Variants in PINX1 observed in about 807,000 individuals in gnomAD.
PINX1 encodes the protein PIN2/TERF1-interacting telomerase inhibitor 1.
PINX1 carries 34 observed loss-of-function variants against 25.4 expected under a neutral mutation model. That is an observed-to-expected ratio of 1.34 (90% CI 1.02 to 1.78). PINX1 has a LOEUF of 1.78. PINX1 is among the 40% of genes most tolerant of loss of function. PINX1 has a pLI of 0.00. For synonymous variants in PINX1, 197 were observed against 147.7 expected (o/e 1.33, Z -2.42); for missense variants, 592 against 404.9 (o/e 1.46, Z -3.97).
In PINX1 at chr8:10,765,662, C is replaced by T. The variant is rs751232154; in HGVS notation, c.726G>A (p.Arg242=). ...TGGCCACTCGCTCCTGGGCCTCGGC[C>T]CTCTCGGGCTTTCCCTCCGTGTGCC... ...AKRHTEGKPE[R]AEAQERVAKK... Residue 242 remains arginine, a synonymous_variant, in exon 7 of 7, where the codon AGG becomes AGA. Transcript: ENST00000314787. 6.2e-6 allele frequency: 10 copies of T among 1,614,002 alleles called. No individual in the cohort carries two copies. Among genetic ancestry groups the T allele is most frequent in the Non-Finnish European group, 7.6e-6 (9 of 1,179,900 alleles).
intron 6 of PINX1, among the ~76,000 whole-genome samples, chr8:10,794,985 A>G (rs1802041824): frequency 6.6e-6 from 1 of 152,176 alleles, no homozygotes; most frequent in African/African-American, 2.4e-5. Flanking sequence ...AAGGAGGGTG[A>G]CGCTAGAAAT....
chr8:10,794,099 A>G (rs183949766), intron 6 of PINX1, among the ~76,000 whole-genome samples: 1 of 152,354 alleles, frequency 6.6e-6, no homozygotes, highest in Admixed American at 6.5e-5. Flanking sequence ...AGGTGTCGTC[A>G]CCAGAATAAC....
rs772507371 is a variant in PINX1, at chr8:10,831,662, T to C, written c.301+3A>G. The C allele has an allele frequency of 8.2e-6, 13 of 1,581,596 alleles. No homozygotes were observed. The highest frequency in any genetic ancestry group is 1.0e-5 in the Non-Finnish European group (12 of 1,154,532). ...GAGAACTTATGTCATCTGATTTCCC[T>C]ACCTGTGGTTTCCTGCCCATGGCAA... On this transcript the variant is annotated splice_donor_region_variant and intron_variant, in intron 4 of 6. Coordinates refer to ENST00000314787, the MANE Select transcript of PINX1 (RefSeq NM_017884.6).
At chr8:10,780,665 A>G (rs1801558397) in intron 6 of PINX1, among the ~76,000 whole-genome samples, 1 of 152,208 alleles carries the variant, frequency 6.6e-6, no homozygotes, top group African/African-American at 2.4e-5. Context: ...ATAGGAGGTA[A>G]AAGACCTGTA....
intron 6 of PINX1, chr8:10,771,514 G>T (rs747006884): frequency 6.6e-6 from 1 of 152,208 alleles, no homozygotes; most frequent in Non-Finnish European, 1.5e-5. Flanking sequence ...ATCTTCCCAA[G>T]GAAACAAGTT....
intron 1 of PINX1, among the ~76,000 whole-genome samples, chr8:10,836,377 C>T (rs1297995786): frequency 6.6e-6 from 1 of 152,164 alleles, no homozygotes; most frequent in Non-Finnish European, 1.5e-5. Flanking sequence ...TGCTAATGAA[C>T]AACACACCAG....
chr8:10,837,352 C>G (rs759039141), intron 1 of PINX1, among the ~76,000 whole-genome samples: 2 of 152,218 alleles, frequency 1.3e-5, no homozygotes, highest in African/African-American at 2.4e-5. Context: ...GGGGAGGGCT[C>G]TGGAAGCTTG....
intron 6 of PINX1, among the ~76,000 whole-genome samples, chr8:10,786,124 C>A (rs961431207): frequency 1.3e-5 from 2 of 152,138 alleles, no homozygotes; most frequent in East Asian, 1.9e-4. Flanking sequence ...ACATTTTCAT[C>A]GATTCAAAAT....
intron 6 of PINX1, among the ~76,000 whole-genome samples, chr8:10,815,603 C>A (rs541998103): frequency 1.1e-4 from 17 of 152,242 alleles, no homozygotes; most frequent in Admixed American, 1.1e-3. Context: ...CATGGGCCCA[C>A]ACATGTTTTG....
intron 6 of PINX1, among the ~76,000 whole-genome samples, chr8:10,783,200 T>C (rs565692784): frequency 2.6e-5 from 4 of 152,346 alleles, no homozygotes; most frequent in East Asian, 1.9e-4. Context: ...ATTAATAGTA[T>C]GCAATTACTA....
At chr8:10,836,417 G>A (rs554255889) in intron 1 of PINX1, among the ~76,000 whole-genome samples, 4 of 152,308 alleles carry the variant, frequency 2.6e-5, no homozygotes, top group Non-Finnish European at 4.4e-5. Context: ...TATTCTATAT[G>A]CAAGCTGGCA....
At chr8:10,826,042 G>C (rs972806292) in intron 5 of PINX1, 110 bp downstream of exon 5, 15 of 622,314 alleles carry the variant, frequency 2.4e-5, no homozygotes, top group Non-Finnish European at 3.7e-5. Flanking sequence ...AATGCAGTCG[G>C]AGCTGTCCAT....
chr8:10,791,285 G>C (rs1801914651), intron 6 of PINX1, among the ~76,000 whole-genome samples: 1 of 152,062 alleles, frequency 6.6e-6, no homozygotes, highest in Non-Finnish European at 1.5e-5. Flanking sequence ...TTCATAACAA[G>C]ACTCTGTTTT....
intron 6 of PINX1, among the ~76,000 whole-genome samples, chr8:10,793,830 T>TGA (rs2129077423): frequency 6.6e-6 from 1 of 152,324 alleles, no homozygotes; most frequent in African/African-American, 2.4e-5. Context: ...CATGACAACA[T>TGA]GAGTCACTGA....
chr8:10,779,636 T>C (rs1427941524), intron 6 of PINX1, among the ~76,000 whole-genome samples: 7 of 152,330 alleles, frequency 4.6e-5, no homozygotes, highest in Admixed American at 2.0e-4. Flanking sequence ...TACTGTGATA[T>C]TTTAATGCTT....
At chr8:10,819,181 A>G (rs1265079986) in intron 6 of PINX1, among the ~76,000 whole-genome samples, 1 of 152,232 alleles carries the variant, frequency 6.6e-6, no homozygotes, top group African/African-American at 2.4e-5. Context: ...AGACCCAGGA[A>G]TTCAGTCCCA....
At chr8:10,832,448 G>A (rs1347361073) in intron 3 of PINX1, among the ~76,000 whole-genome samples, 2 of 152,170 alleles carry the variant, frequency 1.3e-5, no homozygotes, top group Non-Finnish European at 2.9e-5. Context: ...CTTCTTCTAA[G>A]AAAATAAGTA....
At chr8:10,816,409 G>T (rs1248350784) in intron 6 of PINX1, among the ~76,000 whole-genome samples, 2 of 152,180 alleles carry the variant, frequency 1.3e-5, no homozygotes, top group Admixed American at 1.3e-4. Context: ...AATACATTCA[G>T]ATCATCCAGT....
intron 6 of PINX1, among the ~76,000 whole-genome samples, chr8:10,783,059 A>G (rs775005662): frequency 6.6e-6 from 1 of 152,266 alleles, no homozygotes; most frequent in Non-Finnish European, 1.5e-5. Flanking sequence ...GGGAGACTCC[A>G]TAGATTGCAA....
Sources: gnomAD v4.1 joint callset for allele counts (sites outside exome capture counted in the v4.1 genomes callset) on GRCh38, gnomAD v4.1.1 for gene constraint, MANE v1.5 for transcripts, NCBI Gene and HGNC (gene_info 2026-07-23, HGNC 2026-07-21) for gene names.